Variants in CYP19A1 observed in about 807,000 individuals in gnomAD.
The protein encoded by CYP19A1 is cytochrome P450 family 19 subfamily A member 1.
In CYP19A1, 32 loss-of-function variants were observed where a neutral mutation model predicts 44.4. That is an observed-to-expected ratio of 0.72 (90% CI 0.54 to 0.97). CYP19A1 has a LOEUF of 0.97. Ranked by LOEUF, CYP19A1 falls within the 50% of genes least tolerant of loss-of-function variation. The probability of loss-of-function intolerance (pLI) is 0.00; values close to 1 mark genes in which losing one functional copy is unlikely to be tolerated. For synonymous variants in CYP19A1, 212 were observed against 215.6 expected (o/e 0.98, Z 0.14); for missense variants, 598 against 637.8 (o/e 0.94, Z 0.67).
chr15:51,327,818 T>C (rs1225060542), intron 1 of CYP19A1, among the ~76,000 whole-genome samples: 1 of 152,032 alleles, frequency 6.6e-6, no homozygotes, highest in African/African-American at 2.4e-5. Flanking sequence ...TTTGTTATGC[T>C]CAAATGAAAC....
chr15:51,332,503 A>G (rs2036717370), intron 1 of CYP19A1, among the ~76,000 whole-genome samples: 1 of 152,212 alleles, frequency 6.6e-6, no homozygotes, highest in Non-Finnish European at 1.5e-5. Flanking sequence ...ACTGTCTATT[A>G]TTATCTGTCT....
At chr15:51,279,692 T>A (rs1407322555) in intron 1 of CYP19A1, among the ~76,000 whole-genome samples, 1 of 152,146 alleles carries the variant, frequency 6.6e-6, no homozygotes, top group Non-Finnish European at 1.5e-5. Flanking sequence ...TGGCTTATAT[T>A]TTGGGATAGA....
At chr15:51,315,103 G>A (rs1254945451) in intron 1 of CYP19A1, among the ~76,000 whole-genome samples, 1 of 152,020 alleles carries the variant, frequency 6.6e-6, no homozygotes, top group Admixed American at 6.6e-5. Flanking sequence ...TTATCTCACT[G>A]GCCTTGAGAT....
At chr15:51,280,959 G>A (rs1050908157) in intron 1 of CYP19A1, among the ~76,000 whole-genome samples, 8 of 152,220 alleles carry the variant, frequency 5.3e-5, no homozygotes, top group East Asian at 1.9e-4. Flanking sequence ...GCCAAGCTCC[G>A]GGGCATCCTC....
chr15:51,218,147 A>G (rs2141049915), intron 6 of CYP19A1, among the ~76,000 whole-genome samples: 1 of 152,360 alleles, frequency 6.6e-6, no homozygotes, highest in East Asian at 1.9e-4. Context: ...TGTTAAATTC[A>G]TTCAAAAACA....
chr15:51,337,408 T>C (rs2036794426), intron 1 of CYP19A1, among the ~76,000 whole-genome samples: 1 of 152,270 alleles, frequency 6.6e-6, no homozygotes, highest in South Asian at 2.1e-4. Context: ...ATACAAGTGC[T>C]TTACAAGTAT....
Position 51,236,931 on chromosome 15 carries a change from T to C in CYP19A1, c.224A>G (p.Asn75Ser), listed in dbSNP as rs2033433163. Reference protein sequence around the residue: ...FLWMGIGSACNYYNRVYGEFM... With the variant: ...FLWMGIGSACSYYNRVYGEFM... Reference sequence around the variant, plus strand: ...TTCTCCATATACCCGGTTGTAGTAGTTGCAGGCACTGCCGATCCCCATCCA... The same window carrying C: ...TTCTCCATATACCCGGTTGTAGTAGCTGCAGGCACTGCCGATCCCCATCCA... The change falls in exon 3 of 10, where the codon AAC (asparagine) becomes AGC (serine). Residue 75 changes from asparagine to serine, a missense_variant. Physicochemically the swap from Asn to Ser is conservative, Grantham distance 46. Coordinates refer to ENST00000396402, the MANE Select transcript of CYP19A1 (RefSeq NM_000103.4). 2 of 1,614,200 alleles carry C rather than the reference T, an allele frequency of 1.2e-6. No individual in the cohort carries two copies. Among genetic ancestry groups the C allele is most frequent in the Non-Finnish European group, 1.7e-6 (2 of 1,180,032 alleles).
intron 1 of CYP19A1, among the ~76,000 whole-genome samples, chr15:51,268,715 T>A (rs1445386182): frequency 6.6e-6 from 1 of 152,236 alleles, no homozygotes; most frequent in Non-Finnish European, 1.5e-5. Flanking sequence ...CAGCAGTATA[T>A]GAGAGTTACA....
chr15:51,269,021 G>T (rs2035028982), intron 1 of CYP19A1, among the ~76,000 whole-genome samples: 2 of 151,924 alleles, frequency 1.3e-5, no homozygotes, highest in Admixed American at 6.6e-5. Flanking sequence ...TGTCTATTGA[G>T]GATTAAGTTT....
At chr15:51,257,409 G>T (rs1339187716) in intron 1 of CYP19A1, among the ~76,000 whole-genome samples, 4 of 152,212 alleles carry the variant, frequency 2.6e-5, no homozygotes, top group Non-Finnish European at 5.9e-5. Flanking sequence ...GACGCAGGAA[G>T]GTGAAGGGTA....
At chr15:51,331,868 T>C (rs1479507188) in intron 1 of CYP19A1, among the ~76,000 whole-genome samples, 1 of 152,122 alleles carries the variant, frequency 6.6e-6, no homozygotes, top group African/African-American at 2.4e-5. Flanking sequence ...TGACTTTTTA[T>C]TCTCAATTTT....
chr15:51,236,366 T>C (rs1429961177), intron 3 of CYP19A1, among the ~76,000 whole-genome samples: 4 of 152,206 alleles, frequency 2.6e-5, no homozygotes, highest in African/African-American at 9.7e-5. Flanking sequence ...TACCTCTGCC[T>C]CAGGTTTGTT....
intron 1 of CYP19A1, among the ~76,000 whole-genome samples, chr15:51,284,621 A>G (rs2035637238): frequency 6.6e-6 from 1 of 152,244 alleles, no homozygotes; most frequent in Non-Finnish European, 1.5e-5. Flanking sequence ...GACCAGGAAT[A>G]TAAGACACTG....
chr15:51,271,624 T>A (rs2035130117), intron 1 of CYP19A1, among the ~76,000 whole-genome samples: 1 of 152,232 alleles, frequency 6.6e-6, no homozygotes, highest in Non-Finnish European at 1.5e-5. Context: ...GTTCTAGGGA[T>A]CCCACCATCC....
chr15:51,302,150 C>T (rs1450465164), intron 1 of CYP19A1, among the ~76,000 whole-genome samples: 1 of 152,188 alleles, frequency 6.6e-6, no homozygotes, highest in Non-Finnish European at 1.5e-5. Flanking sequence ...TTCACCTCTA[C>T]CTGCCATCAT....
At chr15:51,326,308 C>T (rs560391204) in intron 1 of CYP19A1, among the ~76,000 whole-genome samples, 4 of 152,226 alleles carry the variant, frequency 2.6e-5, no homozygotes, top group East Asian at 1.9e-4. Flanking sequence ...TGGCCAGAGG[C>T]GAAGCTCTTC....
intron 1 of CYP19A1, among the ~76,000 whole-genome samples, chr15:51,304,424 T>C (rs1302714529): frequency 6.6e-6 from 1 of 152,338 alleles, no homozygotes; most frequent in African/African-American, 2.4e-5. Flanking sequence ...AGCTAATACA[T>C]GCTGTAAAGT....
At position 51,328,720 on chromosome 15, in the gene CYP19A1, A is replaced by C. The variant is rs2036653341; in HGVS notation, c.-39+9775T>G. Among the ~76,000 whole-genome samples, 2 of 152,134 alleles carry C rather than the reference A, an allele frequency of 1.3e-5. 1 individual carries two copies. Among genetic ancestry groups the C allele is most frequent in the South Asian group, 4.1e-4 (2 of 4,820 alleles). ...ATAGGGTGCCCAGATATTTGGTCAA[A>C]CATTTTTCTGGGTGTGTTGGGGAGG... On this transcript the variant is annotated intron_variant, in intron 1 of 9. Coordinates refer to ENST00000396402, the MANE Select transcript of CYP19A1 (RefSeq NM_000103.4).
intron 1 of CYP19A1, among the ~76,000 whole-genome samples, chr15:51,252,899 AAG>A (rs2034376382): frequency 6.6e-6 from 1 of 152,186 alleles, no homozygotes; most frequent in East Asian, 1.9e-4. Context: ...CAGCTATGAA[AAG>A]AGAGGAGAAA....
Sources: gnomAD v4.1 joint callset for allele counts (sites outside exome capture counted in the v4.1 genomes callset) on GRCh38, gnomAD v4.1.1 for gene constraint, MANE v1.5 for transcripts, NCBI Gene and HGNC (gene_info 2026-07-23, HGNC 2026-07-21) for gene names.